The following MTHFD1L variants were observed in gnomAD, a reference collection of about 807,000 sequenced individuals.
The protein encoded by MTHFD1L is monofunctional C1-tetrahydrofolate synthase, mitochondrial.
Under a neutral mutation model 119.5 loss-of-function variants are expected in MTHFD1L, and 81 were observed. The ratio of observed to expected loss-of-function variants is 0.68; its 90% CI spans 0.57 to 0.82. MTHFD1L has a LOEUF of 0.82. MTHFD1L is among the 40% of genes least tolerant of loss of function. MTHFD1L has a pLI of 0.00. For missense variants in MTHFD1L, 1,125 were observed against 1,253.4 expected (o/e 0.90, Z 1.55); for synonymous variants, 430 against 475.2 (o/e 0.90, Z 1.24).
chr6:150,880,759 G>T (rs191367992), intron 4 of MTHFD1L, among the ~76,000 whole-genome samples: 4 of 152,246 alleles, frequency 2.6e-5, no homozygotes, highest in Non-Finnish European at 5.9e-5. Flanking sequence ...ATCCTCGCCA[G>T]CATTTGTTAT....
intron 8 of MTHFD1L, among the ~76,000 whole-genome samples, chr6:150,908,056 C>A (rs1248758845): frequency 6.7e-6 from 1 of 149,554 alleles, no homozygotes; most frequent in Non-Finnish European, 1.5e-5. Context: ...TGTCACCACG[C>A]CTGGCCAATT....
intron 22 of MTHFD1L, among the ~76,000 whole-genome samples, chr6:151,014,281 A>G (rs1359159838): frequency 2.0e-5 from 3 of 152,206 alleles, no homozygotes; most frequent in African/African-American, 2.4e-5. Flanking sequence ...AAATTCATTC[A>G]GTTAACTCTT....
chr6:150,902,048 C>T (rs1785174660), intron 7 of MTHFD1L, among the ~76,000 whole-genome samples: 2 of 151,912 alleles, frequency 1.3e-5, no homozygotes, highest in African/African-American at 4.8e-5. Context: ...TGTTTCAAAA[C>T]ACATTGATAG....
chr6:150,868,815 C>T (rs956316313), intron 1 of MTHFD1L, among the ~76,000 whole-genome samples: 2 of 152,176 alleles, frequency 1.3e-5, no homozygotes, highest in Non-Finnish European at 2.9e-5. Context: ...GTAATCCCAG[C>T]ACTTTGAGAG....
intron 20 of MTHFD1L, among the ~76,000 whole-genome samples, chr6:150,973,627 C>T (rs1175698708): frequency 6.6e-6 from 1 of 152,158 alleles, no homozygotes; most frequent in East Asian, 1.9e-4. Context: ...CTTACTTTGT[C>T]AAACACATAT....
chr6:151,028,929 T>A (rs1440326342), intron 24 of MTHFD1L, among the ~76,000 whole-genome samples: 1 of 148,350 alleles, frequency 6.7e-6, no homozygotes, highest in African/African-American at 2.5e-5. Context: ...TTTTAGAAAT[T>A]AGCTGGTGGC....
At chr6:150,866,370 C>T (rs759906911) in intron 1 of MTHFD1L, 55 of 1,407,904 alleles carry the variant, frequency 3.9e-5, no homozygotes, top group Admixed American at 3.2e-5. Flanking sequence ...TGCAATCGCG[C>T]CGGGCGCGAC....
rs79859766 is a variant in MTHFD1L, at chr6:150,958,012, G to T, written c.1803+1941G>T. 6.5e-3 allele frequency among the ~76,000 whole-genome samples: 990 copies of T among 152,216 alleles called. 64 individuals are homozygous for T. The East Asian group carries it at 0.15, about 22-fold the overall frequency. On this transcript the variant is annotated intron_variant, in intron 17 of 27. Transcript: ENST00000367321. ...AAGATTCACAGTGGCCTTGATTTCA[G>T]TGCCTACTCTGTGCATTGTATTGAT...
intron 26 of MTHFD1L, among the ~76,000 whole-genome samples, chr6:151,089,841 C>T (rs1461011119): frequency 6.6e-6 from 1 of 152,218 alleles, no homozygotes; most frequent in African/African-American, 2.4e-5. Flanking sequence ...TGTTACCTTC[C>T]TGCTGGGAAC....
Position 151,047,971 on chromosome 6 carries a change from T to C in MTHFD1L, c.2847+10854T>C, listed in dbSNP as rs1788362421. Among the ~76,000 whole-genome samples the C allele has an allele frequency of 2.6e-5, 4 of 152,220 alleles. No homozygotes were observed. In the South Asian group the frequency reaches 8.3e-4, roughly 32 times the overall value. ...AAGGGGAAGCAAGCACATCTTCACA[T>C]GGCGGCAGGAAAGAGAGAGAGTGAA... On this transcript the variant is annotated intron_variant, in intron 26 of 27. Coordinates refer to ENST00000367321, the MANE Select transcript of MTHFD1L (RefSeq NM_015440.5).
chr6:150,999,005 C>T (rs55643632), intron 20 of MTHFD1L, among the ~76,000 whole-genome samples: 26,709 of 138,844 alleles, frequency 0.19, 2,903 homozygotes, highest in Middle Eastern at 0.28. Context: ...AATATATATA[C>T]ATATATATAT....
chr6:150,980,723 A>AAAAGAAAG (rs1554269191), intron 20 of MTHFD1L, among the ~76,000 whole-genome samples: 1 of 151,358 alleles, frequency 6.6e-6, no homozygotes, highest in South Asian at 2.1e-4. Flanking sequence ...AAAAAAAAAA[A>AAAAGAAAG]AAAGAAAGAA....
At chr6:150,951,790 A>G (rs1225303840) in intron 16 of MTHFD1L, among the ~76,000 whole-genome samples, 4 of 150,518 alleles carry the variant, frequency 2.7e-5, no homozygotes, top group African/African-American at 9.8e-5. Flanking sequence ...ATGTATTGTC[A>G]TCTTTTTTTT....
chr6:150,907,415 A>T (rs1006995881), intron 8 of MTHFD1L, among the ~76,000 whole-genome samples: 2 of 152,244 alleles, frequency 1.3e-5, no homozygotes, highest in Non-Finnish European at 1.5e-5. Context: ...TCCTCGACTG[A>T]CCATGGGGTT....
chr6:151,083,010 G>C (rs900748923), intron 26 of MTHFD1L, among the ~76,000 whole-genome samples: 2 of 152,038 alleles, frequency 1.3e-5, no homozygotes, highest in Non-Finnish European at 2.9e-5. Context: ...CTTCCTAATG[G>C]GCTCAGGGAA....
intron 10 of MTHFD1L, among the ~76,000 whole-genome samples, chr6:150,922,647 C>CTT (rs35497180): frequency 3.7e-5 from 4 of 108,226 alleles, no homozygotes; most frequent in Non-Finnish European, 7.4e-5. Context: ...CCCCCCCACC[C>CTT]TTTTTTTTTT....
chr6:151,078,510 T>A lies in MTHFD1L; in HGVS notation c.2848-13957T>A, dbSNP rs571488459. On this transcript the variant is annotated intron_variant, in intron 26 of 27. Transcript: ENST00000367321. ...CTTAGCTGGGTTCTCTGCTTCAGAC[T>A]GCGAAAATTGTCTCATCTGAGGCCT... Among the ~76,000 whole-genome samples the A allele has an allele frequency of 2.6e-5, 4 of 152,326 alleles. No homozygotes were observed. The South Asian group carries it at 8.3e-4, about 32-fold the overall frequency.
intron 20 of MTHFD1L, among the ~76,000 whole-genome samples, chr6:150,994,076 A>G (rs56013717): frequency 4.3e-5 from 6 of 140,700 alleles, no homozygotes; most frequent in African/African-American, 1.8e-4. Context: ...AAAAAAAAAA[A>G]AAAAGAAAGA....
chr6:151,099,919 G>A lies in MTHFD1L; in HGVS notation c.*32-1607G>A, dbSNP rs566174233. 2.5e-4 allele frequency: 310 copies of A among 1,258,494 alleles called. 3 individuals carry two copies. In the South Asian group the frequency reaches 3.3e-3, roughly 13 times the overall value. 78.0% of individuals were successfully genotyped at this position (1,258,494 alleles called of 1,614,324 possible). A position where few individuals can be genotyped will look rare whatever the true frequency, so the allele number is the denominator to read the frequency against. On this transcript the variant is annotated intron_variant, in intron 27 of 27. Transcript: ENST00000367321. ...CAACCCCAGTGCCAGGCTGTGCAGC[G>A]AAGAAAATGAGTAGACAGCTCGTGT...
Sources: gnomAD v4.1 joint callset for allele counts (sites outside exome capture counted in the v4.1 genomes callset) on GRCh38, gnomAD v4.1.1 for gene constraint, MANE v1.5 for transcripts, NCBI Gene and HGNC (gene_info 2026-07-23, HGNC 2026-07-21) for gene names.